The following CCDC9 variants were observed in gnomAD, a reference collection of about 807,000 sequenced individuals.
The protein encoded by CCDC9 is coiled-coil domain containing 9.
In CCDC9, 52 loss-of-function variants were observed where a neutral mutation model predicts 65.6. The ratio of observed to expected loss-of-function variants is 0.79; its 90% CI spans 0.63 to 1.00. The LOEUF is 1.00. CCDC9 is among the 50% of genes least tolerant of loss of function. The pLI, the probability that CCDC9 is intolerant of heterozygous loss-of-function variation, is 0.00. For missense variants in CCDC9, 834 were observed against 757.2 expected (o/e 1.10, Z -1.19); for synonymous variants, 332 against 280.3 (o/e 1.18, Z -1.84).
chr19:47,275,381 CCTCGAGAGCTCTGTG>C, downstream of CCDC9: 1 of 1,527,430 alleles, frequency 6.5e-7, no homozygotes. Flanking sequence ...GATCGCCAGC[CCTCGAGAGCTCTGTG>C]CTCCACGCCG....
chr19:47,272,214 G>T, downstream of CCDC9: 1 of 1,157,754 alleles, frequency 8.6e-7, no homozygotes, highest in Non-Finnish European at 1.1e-6. Flanking sequence ...TCTTTCTCTG[G>T]GGCTGAGGGG....
At position 47,261,062 on chromosome 19, in the gene CCDC9, G is replaced by A. The variant is rs539180359; in HGVS notation, c.462+223G>A. On this transcript the variant is annotated intron_variant, in intron 5 of 11. Transcript: ENST00000221922. Reference sequence around the variant, plus strand: ...TCCTTCCCTCTCACGCCTAGAGCTCGTGTGTTTTTCCTTGTCTCTTTCTCT... The same window carrying A: ...TCCTTCCCTCTCACGCCTAGAGCTCATGTGTTTTTCCTTGTCTCTTTCTCT... Among the ~76,000 whole-genome samples the A allele has an allele frequency of 6.6e-5, 10 of 151,286 alleles. No homozygotes were observed. The South Asian group carries it at 1.3e-3, about 19-fold the overall frequency.
At chr19:47,267,425 T>G (rs2059089401) in intron 8 of CCDC9, among the ~76,000 whole-genome samples, 1 of 151,728 alleles carries the variant, frequency 6.6e-6, no homozygotes, top group African/African-American at 2.4e-5. Flanking sequence ...GTGAGAGGAT[T>G]TCTTCTGTGT....
intron 7 of CCDC9, among the ~76,000 whole-genome samples, chr19:47,265,914 C>A (rs565330962): frequency 6.7e-6 from 1 of 149,134 alleles, no homozygotes; most frequent in South Asian, 2.1e-4. Flanking sequence ...TCTCTATCTC[C>A]TGACCTCGTG....
At chr19:47,275,713 T>C, downstream of CCDC9, 1 of 285,258 alleles carries the variant, frequency 3.5e-6, no homozygotes, top group Non-Finnish European at 7.0e-6. Flanking sequence ...GTGTCTGTCC[T>C]GTTGTCTGCA....
At chr19:47,274,403 C>G (rs1038879252), downstream of CCDC9, 1 of 151,142 alleles carries the variant, frequency 6.6e-6, no homozygotes, top group African/African-American at 2.5e-5. Context: ...GCGCGGGAAC[C>G]CGCGCGGGAG....
downstream of CCDC9, chr19:47,275,693 G>A (rs2059156270): frequency 1.2e-5 from 4 of 342,634 alleles, no homozygotes; most frequent in Non-Finnish European, 2.2e-5. Flanking sequence ...AGCCTCGGCT[G>A]CCTCGTGCTG....
At chr19:47,258,106 G>T (rs888940125) in intron 1 of CCDC9, 1 of 509,676 alleles carries the variant, frequency 2.0e-6, no homozygotes, top group South Asian at 2.2e-5. Flanking sequence ...TGACTAGATC[G>T]TTTACATGGG....
chr19:47,273,234 G>A, downstream of CCDC9: 1 of 500,172 alleles, frequency 2.0e-6, no homozygotes, highest in Non-Finnish European at 3.1e-6. Context: ...GCTTAGCGCC[G>A]AGCCTGCTGT....
At chr19:47,274,969 C>T (rs1482583264), downstream of CCDC9, 8 of 1,427,632 alleles carry the variant, frequency 5.6e-6, no homozygotes, top group African/African-American at 7.9e-5. Context: ...CCCGGAGGCG[C>T]GGGGCTGAGC....
At chr19:47,272,162 G>GT, downstream of CCDC9, 1 of 1,235,090 alleles carries the variant, frequency 8.1e-7, no homozygotes, top group Non-Finnish European at 1.0e-6. Flanking sequence ...GCAACTCCAG[G>GT]TGGGGGAGTG....
chr19:47,260,980 C>A (rs139294142), intron 5 of CCDC9, 141 bp downstream of exon 5: 20,869 of 961,492 alleles, frequency 0.022, 283 homozygotes, highest in Middle Eastern at 0.047. Context: ...GGCTCTGTTT[C>A]TCTCTTCCTC....
chr19:47,273,013 G>A (rs1463442346), downstream of CCDC9, among the ~76,000 whole-genome samples: 1 of 150,036 alleles, frequency 6.7e-6, no homozygotes, highest in Non-Finnish European at 1.5e-5. Context: ...GCTTGGTGGA[G>A]GTTGATGAAG....
chr19:47,271,212 C>T, intron 11 of CCDC9, 25 bp downstream of exon 11: 1 of 1,606,312 alleles, frequency 6.2e-7, no homozygotes, highest in Non-Finnish European at 8.5e-7. Context: ...TGGTTCAGGG[C>T]ACGGGCCTGG....
intron 7 of CCDC9, among the ~76,000 whole-genome samples, chr19:47,265,148 C>T (rs571964892): frequency 1.6e-4 from 24 of 152,188 alleles, no homozygotes; most frequent in African/African-American, 5.8e-4. Context: ...GCCTTTGCCT[C>T]CTGGGCTCAA....
rs1448433888 is a variant in CCDC9, at chr19:47,264,938, G to A, written c.712G>A (p.Glu238Lys). 24 of 1,447,784 alleles carry A rather than the reference G, an allele frequency of 1.7e-5. No individual in the cohort carries two copies. Among genetic ancestry groups the A allele is most frequent in the East Asian group, 7.4e-5 (3 of 40,706 alleles). The allele number at this position is 1,447,784 out of a possible 1,614,324, so 89.7% of individuals were successfully genotyped here. ...FERVRCGLEH[E>K]RQGRRAGLGS... is the part of the protein sequence containing the mutation. ...GCGGGTGCGCTGTGGCCTTGAGCAC[G>A]AGCGGCAGGTGGGTGTTGGCAGTGA... Residue 238 changes from glutamate (E) to lysine (K), a missense_variant, in exon 7 of 12, where the codon GAG (glutamate) becomes AAG (lysine). By Grantham distance (56) the Glu-to-Lys change is moderately conservative. Transcript: ENST00000221922.
chr19:47,264,684 C>T lies in CCDC9; in HGVS notation c.544C>T (p.Arg182Trp), dbSNP rs766388399. The stretch of plus-strand genomic sequence containing the variant: ...GATCGCCGAGTATGAGCGCAACCAG[C>T]GGGTCAGTGGTGCGGGTGTCCCCGA... ...EKIAEYERNQ[R>W]EGVLEPNPVR... Residue 182 changes from arginine to tryptophan, a missense_variant and splice_region_variant, in exon 6 of 12, where the codon CGG becomes TGG. Transcript: ENST00000221922. The T allele has an allele frequency of 3.7e-6, 6 of 1,604,552 alleles. No homozygotes were observed. The highest frequency in any genetic ancestry group is 1.7e-5 in the Admixed American group (1 of 58,448).
At chr19:47,264,479 A>G in intron 5 of CCDC9, 124 bp from the exon 6 acceptor site, 2 of 870,882 alleles carry the variant, frequency 2.3e-6, no homozygotes, top group Non-Finnish European at 3.7e-6. Flanking sequence ...CTGAGAGCAA[A>G]TGGTCAGATG....
In CCDC9 at chr19:47,258,395, A is replaced by G. The variant is rs368143959; in HGVS notation, c.-6A>G. ...GCTGGGACCTTGGCTCCACGCAGCC[A>G]GCGAAATGGTGAGGCTGAAAAATGG... On this transcript the variant is annotated 5_prime_UTR_variant, in exon 2 of 12. Transcript: ENST00000221922. 75 of 1,613,868 alleles carry G rather than the reference A, an allele frequency of 4.6e-5. No homozygotes were observed. Among genetic ancestry groups the G allele is most frequent in the Admixed American group, 6.7e-5 (4 of 59,974 alleles).
Sources: allele counts gnomAD v4.1 joint callset (sites outside exome capture counted in the v4.1 genomes callset), GRCh38; gene constraint gnomAD v4.1.1; transcripts MANE v1.5; gene names NCBI Gene and HGNC (gene_info 2026-07-23, HGNC 2026-07-21).